SAMD14: variants seen among roughly 807,000 people sequenced by gnomAD.
SAMD14 encodes the protein sterile alpha motif domain containing 14.
Under a neutral mutation model 46.2 loss-of-function variants are expected in SAMD14, and 27 were observed. The ratio of observed to expected loss-of-function variants is 0.58; its 90% CI spans 0.43 to 0.81. The LOEUF (loss-of-function observed/expected upper bound fraction) is 0.81. SAMD14 is among the 30% of genes least tolerant of loss of function. The pLI is 0.00. For synonymous variants in SAMD14, 241 were observed against 254.3 expected (o/e 0.95, Z 0.50); for missense variants, 559 against 582.2 (o/e 0.96, Z 0.41).
chr17:50,126,263 T>C (rs1347838619), intron 1 of SAMD14, among the ~76,000 whole-genome samples: 1 of 152,086 alleles, frequency 6.6e-6, no homozygotes, highest in Non-Finnish European at 1.5e-5. Flanking sequence ...TTTTCTGTTA[T>C]TACATAGACA....
In SAMD14 at chr17:50,117,536, G is replaced by C. The variant is rs770610134; in HGVS notation, c.370C>G (p.Pro124Ala). Reference protein sequence around the residue: ...PPPSPLTRYRPLHNAASHEGL... With the variant: ...PPPSPLTRYRALHNAASHEGL... ...TCGTGCGACGCAGCGTTGTGCAGGGGCCGGTAGCGTGTGAGCGGCGAGGGC... is the reference window on the plus strand; with the variant it reads ...TCGTGCGACGCAGCGTTGTGCAGGGCCCGGTAGCGTGTGAGCGGCGAGGGC... The change falls in exon 4 of 10, where the codon CCC (proline) becomes GCC (alanine). Residue 124 changes from proline (P) to alanine (A), a missense_variant. Pro to Ala is a conservative substitution (Grantham distance 27). Transcript: ENST00000330175. The C allele has an allele frequency of 1.3e-6, 2 of 1,552,846 alleles. No individual in the cohort carries two copies. Among genetic ancestry groups the C allele is most frequent in the African/African-American group, 1.4e-5 (1 of 71,408 alleles).
rs1911160293 is a variant in SAMD14 at position 50,115,809 on chromosome 17, GCCGCCATGGGCAC to G, written c.662+8_662+20del. Reference sequence around the variant, plus strand: ...AGCCAGGGGCGGGAGCTGTGGGTGGGCCGCCATGGGCACCTCTCACCTGCTGCCCATGGACAGT... The same window carrying G: ...AGCCAGGGGCGGGAGCTGTGGGTGGGCTCTCACCTGCTGCCCATGGACAGT... On this transcript the variant is annotated splice_region_variant and intron_variant, in intron 6 of 9. Transcript: ENST00000330175. This position sits in a 1 kb window ranked among gnomAD's most constrained non-coding sequence, Gnocchi z 5.3. 1 of 1,612,150 alleles carries G rather than the reference GCCGCCATGGGCAC, an allele frequency of 6.2e-7. No homozygotes were observed. Among genetic ancestry groups the G allele is most frequent in the Non-Finnish European group, 8.5e-7 (1 of 1,179,852 alleles).
At chr17:50,113,628 A>C in intron 9 of SAMD14, 1 of 444,482 alleles carries the variant, frequency 2.2e-6, no homozygotes, top group Non-Finnish European at 4.2e-6. Flanking sequence ...ACTCATATGC[A>C]TCAAGGGTCA....
intron 2 of SAMD14, 126 bp downstream of exon 2, chr17:50,124,791 A>ACACACG: frequency 1.1e-6 from 1 of 912,172 alleles, no homozygotes; most frequent in Non-Finnish European, 1.8e-6. Context: ...ACACACACAC[A>ACACACG]CACACACACA....
Position 50,118,323 on chromosome 17 carries a change from C to A in SAMD14, c.48G>T (p.Leu16=). Residue 16 remains leucine (L), a synonymous_variant, in exon 3 of 10, where the codon CTG becomes CTT. Coordinates refer to ENST00000330175, the MANE Select transcript of SAMD14 (RefSeq NM_001257359.2). The stretch of plus-strand genomic sequence containing the variant: ...TGGCCGTCTCTGGCACAGCCAAGTC[C>A]AGGTCTGCGAACCGGGGGAGGGGAG... ...LREPVDEVFD[L]DLAVPETARL... is the part of the protein sequence containing the mutation. The A allele has an allele frequency of 6.2e-7, 1 of 1,612,612 alleles. No homozygotes were observed. Among genetic ancestry groups the A allele is most frequent in the Non-Finnish European group, 8.5e-7 (1 of 1,180,022 alleles).
chr17:50,110,310 T>C lies in SAMD14; in HGVS notation c.*2583A>G, dbSNP rs1910764673. 2 of 450,364 alleles carry C rather than the reference T, an allele frequency of 4.4e-6. No individual in the cohort carries two copies. 27.9% of individuals were successfully genotyped at this position (450,364 alleles called of 1,614,324 possible). On this transcript the variant is annotated 3_prime_UTR_variant, in exon 10 of 10. Transcript: ENST00000330175. ...GACCCCTCGGTGGCCTCCCTATCTC[T>C]GTGGGCGATGCCTGAGGGTTAGGGA... is the stretch of plus-strand genomic sequence containing the variant.
chr17:50,122,385 C>T (rs1911542902), intron 2 of SAMD14, among the ~76,000 whole-genome samples: 1 of 152,132 alleles, frequency 6.6e-6, no homozygotes, highest in Non-Finnish European at 1.5e-5. Flanking sequence ...CATGCTTTGG[C>T]GGAGATGGAC....
At chr17:50,126,726 C>G (rs966953363) in intron 1 of SAMD14, among the ~76,000 whole-genome samples, 15 of 152,188 alleles carry the variant, frequency 9.9e-5, no homozygotes, top group African/African-American at 2.4e-4. Context: ...CCTAGCTACT[C>G]AGGAGACTGA....
chr17:50,128,482 TCACACA>T lies in SAMD14; in HGVS notation c.-13+1029_-13+1034del, dbSNP rs34869142. ...TCCCACACACACCCCGCACACTCTC[TCACACA>T]CACACACACACACACACACACACAC... On this transcript the variant is annotated intron_variant, in intron 1 of 9. Coordinates refer to ENST00000330175, the MANE Select transcript of SAMD14 (RefSeq NM_001257359.2). Among the ~76,000 whole-genome samples the T allele has an allele frequency of 9.9e-4, 135 of 135,896 alleles. 1 individual carries two copies. The highest frequency in any genetic ancestry group is 5.0e-3 in the East Asian group (23 of 4,624). 89.2% of individuals were successfully genotyped at this position (135,896 alleles called of 152,430 possible). A position where few individuals can be genotyped will look rare whatever the true frequency, so the allele number is the denominator to read the frequency against.
chr17:50,115,449 G>T lies in SAMD14; in HGVS notation c.822+115C>A. 2 of 1,152,284 alleles carry T rather than the reference G, an allele frequency of 1.7e-6. No individual in the cohort carries two copies. The highest frequency in any genetic ancestry group is 2.4e-6 in the Non-Finnish European group (2 of 822,294). 71.4% of individuals were successfully genotyped at this position (1,152,284 alleles called of 1,614,324 possible). A position where few individuals can be genotyped will look rare whatever the true frequency, so the allele number is the denominator to read the frequency against. On this transcript the variant is annotated intron_variant, in intron 7 of 9. Coordinates refer to ENST00000330175, the MANE Select transcript of SAMD14 (RefSeq NM_001257359.2). This position sits in a 1 kb window ranked among gnomAD's most constrained non-coding sequence, Gnocchi z 5.3. ...TAACGGATCACTGCATGGCTCCATG[G>T]ATGGACAAATTGATTCCAGGAATGT...
chr17:50,114,222 A>G lies in SAMD14; in HGVS notation c.907T>C (p.Tyr303His). 2 of 1,614,148 alleles carry G rather than the reference A, an allele frequency of 1.2e-6. No individual in the cohort carries two copies. Among genetic ancestry groups the G allele is most frequent in the South Asian group, 2.2e-5 (2 of 91,088 alleles). Residue 303 changes from tyrosine to histidine, a missense_variant, in exon 8 of 10, where the codon TAC becomes CAC. Tyr to His is a moderately conservative substitution (Grantham distance 83, BLOSUM62 2). Coordinates refer to ENST00000330175, the MANE Select transcript of SAMD14 (RefSeq NM_001257359.2). ...GACTGAGACAGCGTGTGGTAGGGGTAAGAACATTTGGCCTCCTGCCAGGGC... is the reference window on the plus strand; with the variant it reads ...GACTGAGACAGCGTGTGGTAGGGGTGAGAACATTTGGCCTCCTGCCAGGGC... ...SGPWQEAKCS[Y>H]PYHTLSQSSD...
chr17:50,110,295 T>A lies in SAMD14; in HGVS notation c.*2598A>T. ...GTCCATCTCTGTGGAGACCCCTCGGTGGCCTCCCTATCTCTGTGGGCGATG... is the reference window on the plus strand; with the variant it reads ...GTCCATCTCTGTGGAGACCCCTCGGAGGCCTCCCTATCTCTGTGGGCGATG... On this transcript the variant is annotated 3_prime_UTR_variant, in exon 10 of 10. Transcript: ENST00000330175. The A allele has an allele frequency of 2.1e-6, 1 of 483,146 alleles. No homozygotes were observed. The highest frequency in any genetic ancestry group is 3.5e-6 in the Non-Finnish European group (1 of 285,358). The allele number at this position is 483,146 out of a possible 1,614,324, so 29.9% of individuals were successfully genotyped here.
chr17:50,113,768 C>T (rs940795402), intron 9 of SAMD14, 156 bp downstream of exon 9: 13 of 763,742 alleles, frequency 1.7e-5, no homozygotes, highest in Non-Finnish European at 2.5e-5. Context: ...AGGACCTTGC[C>T]TAGAGGTCAG....
At chr17:50,119,255 T>C (rs1188551999) in intron 2 of SAMD14, among the ~76,000 whole-genome samples, 1 of 152,208 alleles carries the variant, frequency 6.6e-6, no homozygotes, top group African/African-American at 2.4e-5. Flanking sequence ...AAGTCCTTAT[T>C]GCTCATAGCT....
intron 1 of SAMD14, 137 bp from the exon 2 acceptor site, chr17:50,125,108 G>T: frequency 1.4e-6 from 1 of 734,214 alleles, no homozygotes; most frequent in Non-Finnish European, 2.3e-6. Context: ...CCCTTCTTCT[G>T]TCCCCTGGAA....
In SAMD14 at chr17:50,124,758, T is replaced by TGCACACGCACGC. The variant is rs1555563073; in HGVS notation, c.43+158_43+159insGCGTGCGTGTGC. On this transcript the variant is annotated intron_variant, in intron 2 of 9. Transcript: ENST00000330175. ...GGTCAGGCCACAATACCTGCACGCG[T>TGCACACGCACGC]GCACGCGCGCGCGCACACACACACA... Among the ~76,000 whole-genome samples the TGCACACGCACGC allele has an allele frequency of 1.0e-3, 85 of 84,992 alleles. 1 individual carries two copies. Among genetic ancestry groups the TGCACACGCACGC allele is most frequent in the Admixed American group, 5.6e-3 (40 of 7,166 alleles). 55.8% of individuals were successfully genotyped at this position (84,992 alleles called of 152,430 possible).
chr17:50,118,122 G>A, intron 3 of SAMD14, 39 bp downstream of exon 3: 1 of 1,534,492 alleles, frequency 6.5e-7, no homozygotes, highest in Non-Finnish European at 8.8e-7. Context: ...AGAGGGAGGG[G>A]TGGGAGGGTG....
intron 2 of SAMD14, among the ~76,000 whole-genome samples, chr17:50,121,109 C>A (rs1285846549): frequency 6.6e-6 from 1 of 152,136 alleles, no homozygotes; most frequent in Non-Finnish European, 1.5e-5. Flanking sequence ...GTTGATTGGC[C>A]TCCTCACACC....
chr17:50,117,904 T>C, intron 3 of SAMD14: 3 of 641,206 alleles, frequency 4.7e-6, no homozygotes, highest in Non-Finnish European at 7.4e-6. Flanking sequence ...GAATTCCCCC[T>C]CCTTCACTTA....
Sources: allele counts gnomAD v4.1 joint callset (sites outside exome capture counted in the v4.1 genomes callset), GRCh38; gene constraint gnomAD v4.1.1; non-coding constraint Gnocchi (gnomAD v3.1); transcripts MANE v1.5; gene names NCBI Gene and HGNC (gene_info 2026-07-23, HGNC 2026-07-21).